Variants in TRDN observed in about 807,000 individuals in gnomAD.
TRDN encodes the protein triadin.
In TRDN, 161 loss-of-function variants were observed where a neutral mutation model predicts 149.7. The ratio of observed to expected loss-of-function variants is 1.08; its 90% CI spans 0.95 to 1.23. TRDN has a LOEUF of 1.23. Ranked by LOEUF, TRDN falls within the 50% of genes most tolerant of loss-of-function variation. The probability of loss-of-function intolerance (pLI) is 0.00; values close to 1 mark genes in which losing one functional copy is unlikely to be tolerated. For missense variants in TRDN, 896 were observed against 823.5 expected (o/e 1.09, Z -1.08); for synonymous variants, 294 against 250.5 (o/e 1.17, Z -1.64).
chr6:123,569,982 C>T (rs920836301), intron 2 of TRDN, among the ~76,000 whole-genome samples: 1 of 152,150 alleles, frequency 6.6e-6, no homozygotes, highest in Non-Finnish European at 1.5e-5. Context: ...TGTATTTCTT[C>T]TTGAGGTCTG....
chr6:123,439,043 A>G, intron 10 of TRDN, 40 bp from the exon 11 acceptor site: 1 of 1,484,980 alleles, frequency 6.7e-7, no homozygotes, highest in Non-Finnish European at 9.1e-7. Flanking sequence ...AGGGAAATTT[A>G]GTATGAAAGC....
intron 24 of TRDN, among the ~76,000 whole-genome samples, chr6:123,314,639 T>C (rs1040519851): frequency 2.6e-5 from 4 of 152,034 alleles, no homozygotes; most frequent in Non-Finnish European, 5.9e-5. Context: ...GTGGTACATA[T>C]ATACCATGGA....
In TRDN at chr6:123,216,926, A is replaced by G. The variant is rs1774988713; in HGVS notation, c.*1675T>C. ...ATCTAAAACATCTATCATATTTGCT[A>G]TTTCTTTACTCAGTAAATTCAGCAG... On this transcript the variant is annotated 3_prime_UTR_variant, in exon 41 of 41. Transcript: ENST00000334268. The G allele has an allele frequency of 1.3e-5, 2 of 151,968 alleles. No individual in the cohort carries two copies. Among genetic ancestry groups the G allele is most frequent in the Admixed American group, 1.3e-4 (2 of 15,222 alleles). 9.4% of individuals were successfully genotyped at this position (151,968 alleles called of 1,614,324 possible).
intron 38 of TRDN, among the ~76,000 whole-genome samples, chr6:123,250,504 TAA>T (rs1186607344): frequency 6.6e-6 from 1 of 152,052 alleles, no homozygotes; most frequent in Non-Finnish European, 1.5e-5. Flanking sequence ...TATAAATACC[TAA>T]GACAGTTTTT....
In TRDN at chr6:123,566,212, T is replaced by C. The variant is rs186702940; in HGVS notation, c.232+4711A>G. Among the ~76,000 whole-genome samples the C allele has an allele frequency of 1.4e-3, 206 of 152,340 alleles. No homozygotes were observed. The East Asian group carries it at 0.014, about 10-fold the overall frequency. ...TTTATTTGGTGCCTTAAAATTTGTC[T>C]CATTTGATAAGAAGAATCAAAGTCA... On this transcript the variant is annotated intron_variant, in intron 2 of 40. Transcript: ENST00000334268.
In TRDN at chr6:123,409,509, A is replaced by AC. The variant is rs576889130; in HGVS notation, c.1052-15833dup. 7.9e-5 allele frequency among the ~76,000 whole-genome samples: 12 copies of AC among 152,304 alleles called. No homozygotes were observed. In the East Asian group the frequency reaches 2.3e-3, roughly 29 times the overall value. ...ACATATGTAAAGTACCAACCATAAT[A>AC]CTTTGAACATAATAGCCACTTGCAA... On this transcript the variant is annotated intron_variant, in intron 12 of 40. Coordinates refer to ENST00000334268, the MANE Select transcript of TRDN (RefSeq NM_006073.4).
intron 5 of TRDN, among the ~76,000 whole-genome samples, chr6:123,524,326 G>A (rs1419072543): frequency 6.6e-6 from 1 of 152,124 alleles, no homozygotes; most frequent in Non-Finnish European, 1.5e-5. Context: ...AATTTTATAA[G>A]AAGGCTCAGA....
At chr6:123,229,526 T>A (rs1775516298) in intron 38 of TRDN, among the ~76,000 whole-genome samples, 1 of 151,984 alleles carries the variant, frequency 6.6e-6, no homozygotes, top group Non-Finnish European at 1.5e-5. Flanking sequence ...GTTCTCTGCC[T>A]GAAAGTTTTT....
intron 19 of TRDN, among the ~76,000 whole-genome samples, chr6:123,372,873 G>A (rs1781372154): frequency 6.6e-6 from 1 of 152,102 alleles, no homozygotes; most frequent in Admixed American, 6.6e-5. Flanking sequence ...GGGGAATGTA[G>A]GTAGGGGAGG....
At chr6:123,467,457 C>CTGCTT (rs1562329696) in intron 9 of TRDN, among the ~76,000 whole-genome samples, 4 of 152,040 alleles carry the variant, frequency 2.6e-5, no homozygotes, top group African/African-American at 9.7e-5. Flanking sequence ...ATTCTGCTCT[C>CTGCTT]TAACATGGCT....
At chr6:123,301,019 T>G (rs898844144) in intron 24 of TRDN, among the ~76,000 whole-genome samples, 1 of 151,968 alleles carries the variant, frequency 6.6e-6, no homozygotes, top group Admixed American at 6.6e-5. Flanking sequence ...CCAGGAACTG[T>G]TCCTAGCACA....
intron 1 of TRDN, among the ~76,000 whole-genome samples, chr6:123,604,426 T>C (rs1784426470): frequency 6.6e-6 from 1 of 152,200 alleles, no homozygotes; most frequent in African/African-American, 2.4e-5. Flanking sequence ...AGAAAATACA[T>C]TTACAATGCC....
intron 38 of TRDN, among the ~76,000 whole-genome samples, chr6:123,225,302 C>T (rs1775313755): frequency 6.6e-6 from 1 of 151,506 alleles, no homozygotes; most frequent in Non-Finnish European, 1.5e-5. Context: ...TTGGTATTGC[C>T]ATTATAGAAA....
chr6:123,551,459 G>T (rs1781388949), intron 2 of TRDN, among the ~76,000 whole-genome samples: 1 of 150,610 alleles, frequency 6.6e-6, no homozygotes, highest in Non-Finnish European at 1.5e-5. Flanking sequence ...CATATCAATG[G>T]AAAAAATATT....
chr6:123,559,957 G>A (rs1781891209), intron 2 of TRDN, among the ~76,000 whole-genome samples: 1 of 152,102 alleles, frequency 6.6e-6, no homozygotes, highest in African/African-American at 2.4e-5. Flanking sequence ...ACACCCATCA[G>A]GCTCAGCGAA....
chr6:123,229,558 G>T (rs974413755), intron 38 of TRDN, among the ~76,000 whole-genome samples: 6 of 151,898 alleles, frequency 4.0e-5, no homozygotes, highest in Non-Finnish European at 5.9e-5. Context: ...ATACTGTTCT[G>T]CAGCCATGGG....
chr6:123,448,969 C>T (rs890412496), intron 10 of TRDN, among the ~76,000 whole-genome samples: 2 of 152,006 alleles, frequency 1.3e-5, no homozygotes, highest in East Asian at 1.9e-4. Flanking sequence ...AGAAGAGAGA[C>T]AACAATCACT....
intron 10 of TRDN, among the ~76,000 whole-genome samples, chr6:123,454,776 G>T (rs771372232): frequency 5.3e-5 from 8 of 152,210 alleles, no homozygotes; most frequent in Non-Finnish European, 1.2e-4. Context: ...AGGGATCTAG[G>T]TTGCATGCTC....
intron 21 of TRDN, among the ~76,000 whole-genome samples, chr6:123,349,295 T>G (rs1481779430): frequency 6.6e-6 from 1 of 152,106 alleles, no homozygotes; most frequent in East Asian, 1.9e-4. Context: ...ATAAACTACA[T>G]AAACAAGGAG....
Sources: gnomAD v4.1 joint callset for allele counts (sites outside exome capture counted in the v4.1 genomes callset) on GRCh38, gnomAD v4.1.1 for gene constraint, MANE v1.5 for transcripts, NCBI Gene and HGNC (gene_info 2026-07-23, HGNC 2026-07-21) for gene names.